The following CSMD1 variants were observed in gnomAD, a reference collection of about 807,000 sequenced individuals.
CSMD1 encodes the protein CUB and sushi domain-containing protein 1.
Under a neutral mutation model 417.5 loss-of-function variants are expected in CSMD1, and 213 were observed. That is an observed-to-expected ratio of 0.51 (90% CI 0.46 to 0.57). CSMD1 has a LOEUF of 0.57. Ranked by LOEUF, CSMD1 falls within the 20% of genes least tolerant of loss-of-function variation. The pLI is 0.00. For missense variants in CSMD1, 6,923 were observed against 4,529.7 expected (o/e 1.53, Z -15.17); for synonymous variants, 2,862 against 1,736.8 (o/e 1.65, Z -16.11).
intron 1 of CSMD1, among the ~76,000 whole-genome samples, chr8:4,819,832 C>T (rs894218154): frequency 6.6e-6 from 1 of 151,952 alleles, no homozygotes; most frequent in African/African-American, 2.4e-5. Flanking sequence ...ATTCCTCCAA[C>T]CAGAAGAGCA....
rs1168778298 is a variant in CSMD1, at chr8:3,052,097, G to A, written c.7660+365C>T. Among the ~76,000 whole-genome samples the A allele has an allele frequency of 2.0e-5, 3 of 152,264 alleles. No individual in the cohort carries two copies. In the East Asian group the frequency reaches 5.8e-4, roughly 29 times the overall value. ...ATGGAAGATAAATAGGAAAGATTGT[G>A]TTACATTATGTTTTAACATCTTGAG... On this transcript the variant is annotated intron_variant, in intron 50 of 69. Coordinates refer to ENST00000635120, the MANE Select transcript of CSMD1 (RefSeq NM_033225.6).
intron 2 of CSMD1, among the ~76,000 whole-genome samples, chr8:4,603,570 A>G (rs1262882567): frequency 6.6e-6 from 1 of 152,140 alleles, no homozygotes; most frequent in East Asian, 1.9e-4. Flanking sequence ...AAGTGACCTC[A>G]TGATTTCATT....
At chr8:3,631,484 A>G (rs1196635899) in intron 7 of CSMD1, among the ~76,000 whole-genome samples, 1 of 152,232 alleles carries the variant, frequency 6.6e-6, no homozygotes, top group African/African-American at 2.4e-5. Context: ...GAGGCTGAGG[A>G]GCAGGCAGAT....
chr8:3,553,945 G>T (rs553650904), intron 10 of CSMD1, among the ~76,000 whole-genome samples: 7 of 152,284 alleles, frequency 4.6e-5, no homozygotes, highest in Non-Finnish European at 1.5e-5. Context: ...GGGCAAAACA[G>T]AATGTAATTT....
At chr8:4,266,079 T>C (rs74713498) in intron 3 of CSMD1, among the ~76,000 whole-genome samples, 3,924 of 103,320 alleles carry the variant, frequency 0.038, 906 homozygotes, top group African/African-American at 0.071. Flanking sequence ...CCACCGCACA[T>C]AGACTCACCA....
chr8:3,741,583 C>T (rs1563330359), intron 6 of CSMD1, among the ~76,000 whole-genome samples: 1 of 152,210 alleles, frequency 6.6e-6, no homozygotes, highest in African/African-American at 2.4e-5. Flanking sequence ...TCAAGATTAA[C>T]TGTTTGTTAG....
intron 2 of CSMD1, among the ~76,000 whole-genome samples, chr8:4,485,105 G>A (rs1269546381): frequency 6.7e-6 from 1 of 150,042 alleles, no homozygotes; most frequent in South Asian, 2.1e-4. Context: ...GAGAGGGTCT[G>A]TATTCAGGTT....
Position 3,428,251 on chromosome 8 carries a change from C to A in CSMD1, c.1562-18646G>T, listed in dbSNP as rs1016610116. ...GTTAAACACTCGAGGAAGGGGGGAC[C>A]TTAAAAGTCACTTTAGAAAACAAAC... is the stretch of plus-strand genomic sequence containing the variant. On this transcript the variant is annotated intron_variant, in intron 12 of 69. Transcript: ENST00000635120. 3.4e-5 allele frequency among the ~76,000 whole-genome samples: 5 copies of A among 145,780 alleles called. No homozygotes were observed. In the South Asian group the frequency reaches 1.1e-3, roughly 33 times the overall value.
intron 5 of CSMD1, among the ~76,000 whole-genome samples, chr8:3,832,018 T>C (rs911498161): frequency 3.3e-5 from 5 of 152,196 alleles, no homozygotes; most frequent in Admixed American, 3.3e-4. Context: ...TTTAAAAATC[T>C]CTGTCCTTCT....
At chr8:3,310,690 C>A (rs1805264676) in intron 23 of CSMD1, among the ~76,000 whole-genome samples, 1 of 152,014 alleles carries the variant, frequency 6.6e-6, no homozygotes, top group Admixed American at 6.6e-5. Context: ...ACTTAAAAAT[C>A]TTTTTGAGGG....
At chr8:3,850,467 G>A (rs1480370649) in intron 5 of CSMD1, among the ~76,000 whole-genome samples, 1 of 152,172 alleles carries the variant, frequency 6.6e-6, no homozygotes. Flanking sequence ...GGCTGAGGCA[G>A]GCAGATAACT....
chr8:4,731,573 A>T (rs1369279255), intron 1 of CSMD1, among the ~76,000 whole-genome samples: 2 of 152,144 alleles, frequency 1.3e-5, no homozygotes, highest in African/African-American at 4.8e-5. Flanking sequence ...TTTATTGAAT[A>T]TTTTGAGGAG....
chr8:3,632,591 G>T (rs1238614505), intron 7 of CSMD1, among the ~76,000 whole-genome samples: 1 of 152,070 alleles, frequency 6.6e-6, no homozygotes, highest in Admixed American at 6.6e-5. Flanking sequence ...GATGATTCTG[G>T]ATTTACTACC....
intron 17 of CSMD1, among the ~76,000 whole-genome samples, chr8:3,391,860 G>C (rs1007602594): frequency 6.6e-6 from 1 of 152,148 alleles, no homozygotes; most frequent in African/African-American, 2.4e-5. Flanking sequence ...AGAAAGCAAG[G>C]AGTGTTTATA....
In CSMD1 at chr8:3,018,621, G is replaced by T; in HGVS notation, c.7885C>A (p.Pro2629Thr). 1 of 1,612,090 alleles carries T rather than the reference G, an allele frequency of 6.2e-7. No individual in the cohort carries two copies. Among genetic ancestry groups the T allele is most frequent in the Non-Finnish European group, 8.5e-7 (1 of 1,179,012 alleles). ...VISCGSLSFP[P>T]NGNKIGTLTV... is the part of the protein sequence containing the mutation. ...AACGTTCCAATCTTGTTGCCATTTG[G>T]GGGAAAGGAAAGGCTTCCACACGAG... Residue 2629 changes from proline (P) to threonine (T), a missense_variant, in exon 52 of 70, where the codon CCA (proline) becomes ACA (threonine). By Grantham distance (38) the Pro-to-Thr change is conservative. Transcript: ENST00000635120.
At chr8:2,955,866 T>C (rs1288084984) in intron 63 of CSMD1, 98 bp from the exon 64 acceptor site, 1 of 1,018,836 alleles carries the variant, frequency 9.8e-7, no homozygotes, top group Non-Finnish European at 1.5e-6. Context: ...GAAATGGTTA[T>C]GCAGTCAATA....
chr8:3,918,540 G>A (rs557092328), intron 5 of CSMD1, among the ~76,000 whole-genome samples: 1 of 151,856 alleles, frequency 6.6e-6, no homozygotes, highest in Non-Finnish European at 1.5e-5. Flanking sequence ...TTTTTAATTT[G>A]TTTTCTATTG....
chr8:3,818,726 G>C (rs1338140872), intron 5 of CSMD1, among the ~76,000 whole-genome samples: 1 of 152,168 alleles, frequency 6.6e-6, no homozygotes, highest in Non-Finnish European at 1.5e-5. Flanking sequence ...AACACAACCA[G>C]AGGAATTTGA....
At chr8:3,527,954 G>T (rs966697119) in intron 10 of CSMD1, among the ~76,000 whole-genome samples, 3 of 152,150 alleles carry the variant, frequency 2.0e-5, no homozygotes, top group African/African-American at 7.2e-5. Context: ...TTATCTGGCA[G>T]ATTCTGTGGC....
Sources: gnomAD v4.1 joint callset for allele counts (sites outside exome capture counted in the v4.1 genomes callset) on GRCh38, gnomAD v4.1.1 for gene constraint, MANE v1.5 for transcripts, NCBI Gene and HGNC (gene_info 2026-07-23, HGNC 2026-07-21) for gene names.